Variants in NAA35 observed in about 807,000 individuals in gnomAD.
NAA35 encodes the protein N-alpha-acetyltransferase 35, NatC auxiliary subunit.
A neutral mutation model predicts 101.7 loss-of-function variants in NAA35; 18 were observed. That is an observed-to-expected ratio of 0.18 (90% CI 0.12 to 0.26). The LOEUF is 0.26. Ranked by LOEUF, NAA35 falls within the 10% of genes least tolerant of loss-of-function variation. The pLI is 1.00. For synonymous variants in NAA35, 267 were observed against 273.1 expected (o/e 0.98, Z 0.22); for missense variants, 601 against 886.8 (o/e 0.68, Z 4.09).
Position 86,016,664 on chromosome 9 carries a change from A to G in NAA35, c.1694A>G (p.Lys565Arg). ...GGCCGTAGTAGTAAAAAAACAAAGA[A>G]AAAAAAGAAAGGTGCTGTGGATTAT... Reference protein sequence around the residue: ...QKGRSSKKTKKKKKVRPLSRE... With the variant: ...QKGRSSKKTKRKKKVRPLSRE... The change falls in exon 18 of 23, where the codon AAA (lysine) becomes AGA (arginine). Residue 565 changes from lysine (K) to arginine (R), a missense_variant. Transcript: ENST00000361671. 2.5e-6 allele frequency: 4 copies of G among 1,612,482 alleles called. No homozygotes were observed. Among genetic ancestry groups the G allele is most frequent in the Non-Finnish European group, 3.4e-6 (4 of 1,179,754 alleles).
rs190990684 is a variant in NAA35, at chr9:85,956,100, A to G, written c.125-260A>G. Among the ~76,000 whole-genome samples the G allele has an allele frequency of 9.9e-5, 15 of 152,278 alleles. No individual in the cohort carries two copies. In the East Asian group the frequency reaches 2.9e-3, roughly 29 times the overall value. ...GGTTGGTAATTCTGATTGGAATATTATGGCCTGCGATGGGTCACTTATTCT... is the reference window on the plus strand; with the variant it reads ...GGTTGGTAATTCTGATTGGAATATTGTGGCCTGCGATGGGTCACTTATTCT... On this transcript the variant is annotated intron_variant, in intron 2 of 22. Transcript: ENST00000361671.
chr9:85,957,532 C>T (rs1027282000), intron 3 of NAA35, among the ~76,000 whole-genome samples: 2 of 152,198 alleles, frequency 1.3e-5, no homozygotes, highest in African/African-American at 2.4e-5. Context: ...CTTCCCCATG[C>T]CCCAGACACT....
intron 11 of NAA35, among the ~76,000 whole-genome samples, chr9:85,983,627 G>A (rs114028726): frequency 0.014 from 2,134 of 152,200 alleles, 48 homozygotes; most frequent in African/African-American, 0.047. Flanking sequence ...AAGGAAAAAA[G>A]GGGAATATGT....
At chr9:85,963,477 C>T (rs1478469784) in intron 6 of NAA35, among the ~76,000 whole-genome samples, 1 of 151,936 alleles carries the variant, frequency 6.6e-6, no homozygotes, top group African/African-American at 2.4e-5. Flanking sequence ...CTGTGTTGGC[C>T]AGGCTGATCT....
intron 2 of NAA35, among the ~76,000 whole-genome samples, chr9:85,944,144 C>A (rs964198030): frequency 1.3e-5 from 2 of 152,126 alleles, no homozygotes; most frequent in African/African-American, 4.8e-5. Context: ...GCTTTATAGT[C>A]AGATATGAGC....
intron 3 of NAA35, 77 bp downstream of exon 3, chr9:85,956,470 C>A: frequency 1.3e-6 from 1 of 774,236 alleles, no homozygotes; most frequent in South Asian, 2.6e-5. Context: ...AGTAATATTC[C>A]CTGAAGTTTG....
chr9:86,004,900 T>C (rs1027755088), intron 13 of NAA35, among the ~76,000 whole-genome samples: 86 of 152,196 alleles, frequency 5.7e-4, no homozygotes, highest in Non-Finnish European at 7.3e-5. Flanking sequence ...AAATCAGACT[T>C]ATAGTTAAAA....
At chr9:86,001,396 A>T (rs569094196) in intron 12 of NAA35, among the ~76,000 whole-genome samples, 1 of 152,024 alleles carries the variant, frequency 6.6e-6, no homozygotes, top group Non-Finnish European at 1.5e-5. Flanking sequence ...AGGTCTATCA[A>T]ATCCATTTGG....
intron 2 of NAA35, among the ~76,000 whole-genome samples, chr9:85,953,501 A>G (rs1404538836): frequency 6.6e-6 from 1 of 152,148 alleles, no homozygotes; most frequent in East Asian, 1.9e-4. Context: ...ATCTCGGCTC[A>G]CTGCAACCTC....
chr9:85,967,663 A>G lies in NAA35; in HGVS notation c.516+5483A>G, dbSNP rs371756250. ...TAAAAATACAAAAAATTAGCCAGGC[A>G]TGGTGGTGGGTGCCTGTAGTCCCAG... On this transcript the variant is annotated intron_variant, in intron 6 of 22. Transcript: ENST00000361671. 2.9e-3 allele frequency among the ~76,000 whole-genome samples: 437 copies of G among 152,050 alleles called. 5 individuals are homozygous for G. The South Asian group carries it at 0.034, about 12-fold the overall frequency.
rs746740573 is a variant in NAA35, at chr9:86,018,824, G to A, written c.2037+3G>A. 8.1e-6 allele frequency: 13 copies of A among 1,611,820 alleles called. No homozygotes were observed. In the African/African-American group the frequency reaches 1.6e-4, roughly 20 times the overall value. On this transcript the variant is annotated splice_donor_region_variant and intron_variant, in intron 21 of 22. Transcript: ENST00000361671. ...ATATTCCTAACCCGGACCATGAGGTGAGACTGGATTCACAGTAATTCTAGG... is the reference window on the plus strand; with the variant it reads ...ATATTCCTAACCCGGACCATGAGGTAAGACTGGATTCACAGTAATTCTAGG...
At chr9:86,018,179 C>A in intron 19 of NAA35, 76 bp from the exon 20 acceptor site, 1 of 1,335,348 alleles carries the variant, frequency 7.5e-7, no homozygotes, top group Non-Finnish European at 1.0e-6. Flanking sequence ...TGTTTCTTGT[C>A]TTCCATTCTG....
At chr9:85,951,234 A>G (rs1829007470) in intron 2 of NAA35, among the ~76,000 whole-genome samples, 1 of 152,236 alleles carries the variant, frequency 6.6e-6, no homozygotes, top group Non-Finnish European at 1.5e-5. Context: ...AAAATAATAT[A>G]CAAAAGTAGA....
chr9:86,024,368 C>T lies in NAA35; in HGVS notation c.*2408C>T, dbSNP rs115054700. ...GCGGAGATGAGAGGCAAGGAGAAGC[C>T]GATACCCAAAACCCTGGGAGGCCAC... On this transcript the variant is annotated 3_prime_UTR_variant, in exon 23 of 23. Coordinates refer to ENST00000361671, the MANE Select transcript of NAA35 (RefSeq NM_024635.4). Among the ~76,000 whole-genome samples, 215 of 152,146 alleles carry T rather than the reference C, an allele frequency of 1.4e-3. 1 individual carries two copies. The highest frequency in any genetic ancestry group is 4.6e-3 in the African/African-American group (191 of 41,498).
In NAA35 at chr9:85,988,715, G is replaced by A. The variant is rs552653280; in HGVS notation, c.878-7684G>A. On this transcript the variant is annotated intron_variant, in intron 11 of 22. Coordinates refer to ENST00000361671, the MANE Select transcript of NAA35 (RefSeq NM_024635.4). ...GGAGGCTGAGTCAGGAGAATCGCTT[G>A]AACCTGGGAGGCGGAGGTTGCAGTG... Among the ~76,000 whole-genome samples, 5 of 152,072 alleles carry A rather than the reference G, an allele frequency of 3.3e-5. No individual in the cohort carries two copies. The South Asian group carries it at 1.0e-3, about 32-fold the overall frequency.
chr9:85,976,421 C>G (rs1006251808), intron 8 of NAA35, among the ~76,000 whole-genome samples: 18 of 152,058 alleles, frequency 1.2e-4, no homozygotes, highest in Non-Finnish European at 2.5e-4. Context: ...CCATATACTT[C>G]TGCTTATGTT....
At chr9:86,002,886 T>G (rs942860483) in intron 12 of NAA35, among the ~76,000 whole-genome samples, 1 of 152,224 alleles carries the variant, frequency 6.6e-6, no homozygotes, top group African/African-American at 2.4e-5. Context: ...GGAGAACTGG[T>G]GCAGTCATTT....
intron 18 of NAA35, among the ~76,000 whole-genome samples, chr9:86,017,174 C>A (rs1302369627): frequency 6.6e-6 from 1 of 152,204 alleles, no homozygotes. Context: ...CTTCATATTT[C>A]CTTAGGACTT....
At position 85,942,186 on chromosome 9, in the gene NAA35, T is replaced by C; in HGVS notation, c.27T>C (p.Asp9=). Residue 9 remains aspartate (D), a synonymous_variant, in exon 2 of 23, where the codon GAT becomes GAC. Coordinates refer to ENST00000361671, the MANE Select transcript of NAA35 (RefSeq NM_024635.4). Reference sequence around the variant, plus strand: ...TGGTTATGAAAGCTTCTGTAGATGATGACGATTCAGGATGGGAGCTCAGTA... The same window carrying C: ...TGGTTATGAAAGCTTCTGTAGATGACGACGATTCAGGATGGGAGCTCAGTA... MVMKASVD[D]DDSGWELSMP... 1 of 1,614,190 alleles carries C rather than the reference T, an allele frequency of 6.2e-7. No individual in the cohort carries two copies.
Sources: gnomAD v4.1 joint callset for allele counts (sites outside exome capture counted in the v4.1 genomes callset) on GRCh38, gnomAD v4.1.1 for gene constraint, MANE v1.5 for transcripts, NCBI Gene and HGNC (gene_info 2026-07-23, HGNC 2026-07-21) for gene names.